Variants in FOXO1 observed in about 807,000 individuals in gnomAD.
The protein encoded by FOXO1 is forkhead box O1.
FOXO1 carries 6 observed loss-of-function variants against 44.1 expected under a neutral mutation model. The ratio of observed to expected loss-of-function variants is 0.14; its 90% CI spans 0.07 to 0.27. The LOEUF (loss-of-function observed/expected upper bound fraction) is 0.27, where lower values mean the gene tolerates loss of function less well. Ranked by LOEUF, FOXO1 falls within the 10% of genes least tolerant of loss-of-function variation. The probability of loss-of-function intolerance (pLI) is 1.00; values close to 1 mark genes in which losing one functional copy is unlikely to be tolerated. For synonymous variants in FOXO1, 380 were observed against 362.7 expected (o/e 1.05, Z -0.54); for missense variants, 737 against 888.8 (o/e 0.83, Z 2.17).
At chr13:40,647,039 G>C (rs1377395997) in intron 1 of FOXO1, among the ~76,000 whole-genome samples, 1 of 152,192 alleles carries the variant, frequency 6.6e-6, no homozygotes, top group African/African-American at 2.4e-5. Context: ...GCAGACACCA[G>C]AGTAGACAAG....
intron 1 of FOXO1, among the ~76,000 whole-genome samples, chr13:40,603,373 AAG>A (rs1401458483): frequency 2.7e-5 from 4 of 150,886 alleles, no homozygotes; most frequent in African/African-American, 9.8e-5. Flanking sequence ...AAAAAAAAAA[AAG>A]GTTGAGTTAA....
chr13:40,664,939 G>A (rs1025940448), intron 1 of FOXO1, among the ~76,000 whole-genome samples: 7 of 151,776 alleles, frequency 4.6e-5, no homozygotes, highest in African/African-American at 1.7e-4. Flanking sequence ...CGTGTCGGAG[G>A]CACCACCTCG....
chr13:40,618,630 G>C (rs1314550002), intron 1 of FOXO1: 2 of 345,342 alleles, frequency 5.8e-6, no homozygotes, highest in Non-Finnish European at 1.1e-5. Flanking sequence ...ATTTGAGTTG[G>C]GAAGAGATGG....
intron 1 of FOXO1, among the ~76,000 whole-genome samples, chr13:40,604,661 A>C (rs564274998): frequency 6.6e-6 from 1 of 152,286 alleles, no homozygotes; most frequent in African/African-American, 2.4e-5. Context: ...TCTTCTTTAA[A>C]CATGCCATGA....
At chr13:40,578,522 A>G (rs181810810) in intron 1 of FOXO1, among the ~76,000 whole-genome samples, 5 of 152,250 alleles carry the variant, frequency 3.3e-5, no homozygotes, top group Admixed American at 1.3e-4. Context: ...GTGTATCAGC[A>G]TCCTCTGGAC....
At chr13:40,655,633 ACTT>A (rs1877832524) in intron 1 of FOXO1, among the ~76,000 whole-genome samples, 1 of 122,488 alleles carries the variant, frequency 8.2e-6, no homozygotes, top group Middle Eastern at 4.2e-3. Flanking sequence ...AGTTTTCTAC[ACTT>A]CTTTTTTTTT....
intron 1 of FOXO1, among the ~76,000 whole-genome samples, chr13:40,599,004 G>A (rs1361417958): frequency 9.2e-5 from 14 of 152,048 alleles, no homozygotes; most frequent in Admixed American, 9.2e-4. Flanking sequence ...ACACTTTTAA[G>A]ATAAAGTTCT....
intron 1 of FOXO1, among the ~76,000 whole-genome samples, chr13:40,627,614 T>C (rs992761754): frequency 5.3e-5 from 8 of 152,082 alleles, no homozygotes; most frequent in Admixed American, 3.9e-4. Context: ...GGGCAGGTCA[T>C]CTGAGGTCGG....
intron 1 of FOXO1, among the ~76,000 whole-genome samples, chr13:40,610,778 A>G (rs767004689): frequency 1.3e-5 from 2 of 152,272 alleles, no homozygotes; most frequent in Non-Finnish European, 2.9e-5. Flanking sequence ...TAGAAGGAAA[A>G]ATAATATAAA....
At chr13:40,614,762 T>C (rs1876361829) in intron 1 of FOXO1, among the ~76,000 whole-genome samples, 1 of 152,176 alleles carries the variant, frequency 6.6e-6, no homozygotes, top group Non-Finnish European at 1.5e-5. Flanking sequence ...CAAGTGCTAA[T>C]CCACAGAACT....
chr13:40,574,093 G>GT (rs1162664413), intron 1 of FOXO1, among the ~76,000 whole-genome samples: 4 of 152,002 alleles, frequency 2.6e-5, no homozygotes, highest in Non-Finnish European at 4.4e-5. Flanking sequence ...AAGTACAAAC[G>GT]TTTTTTTATC....
At chr13:40,664,406 C>T (rs554248123) in intron 1 of FOXO1, among the ~76,000 whole-genome samples, 3 of 151,990 alleles carry the variant, frequency 2.0e-5, no homozygotes, top group Non-Finnish European at 4.4e-5. Flanking sequence ...CTCCCCGGAG[C>T]CGAGGGCCCC....
chr13:40,617,086 AT>A (rs1566076775), intron 1 of FOXO1, among the ~76,000 whole-genome samples: 4 of 152,270 alleles, frequency 2.6e-5, no homozygotes, highest in African/African-American at 7.2e-5. Flanking sequence ...TAATTTCTGC[AT>A]GAATTTCTAA....
intron 1 of FOXO1, among the ~76,000 whole-genome samples, chr13:40,653,755 A>G (rs1191242322): frequency 6.6e-6 from 1 of 152,178 alleles, no homozygotes; most frequent in Non-Finnish European, 1.5e-5. Context: ...TAACTGAGCA[A>G]AAACCCAGCC....
chr13:40,618,814 G>A, intron 1 of FOXO1: 1 of 525,718 alleles, frequency 1.9e-6, no homozygotes, highest in Non-Finnish European at 3.8e-6. Context: ...TTGTGAAAAT[G>A]GGAGAAGATG....
intron 1 of FOXO1, among the ~76,000 whole-genome samples, chr13:40,617,273 T>A (rs1166280127): frequency 6.6e-6 from 1 of 152,018 alleles, no homozygotes; most frequent in African/African-American, 2.4e-5. Flanking sequence ...TGGAGAAGAC[T>A]CGCCTCTACT....
intron 1 of FOXO1, among the ~76,000 whole-genome samples, chr13:40,628,389 A>ACACACACC (rs1555252079): frequency 6.7e-6 from 1 of 148,704 alleles, no homozygotes; most frequent in African/African-American, 2.5e-5. Flanking sequence ...ACACACACAC[A>ACACACACC]CCCCGTGAGG....
rs968022703 is a variant in FOXO1, at chr13:40,557,460, G to C, written c.*1589C>G. ...ACATAATCTCAATGCACAACTTACA[G>C]CTGGTTTTCAAATAAATCTCCCCAA... is the stretch of plus-strand genomic sequence containing the variant. On this transcript the variant is annotated 3_prime_UTR_variant, in exon 3 of 3. Coordinates refer to ENST00000379561, the MANE Select transcript of FOXO1 (RefSeq NM_002015.4). 6.6e-6 allele frequency: 1 copy of C among 152,192 alleles called. No homozygotes were observed. Among genetic ancestry groups the C allele is most frequent in the Non-Finnish European group, 1.5e-5 (1 of 68,024 alleles). The allele number at this position is 152,192 out of a possible 1,614,324, so 9.4% of individuals were successfully genotyped here.
intron 1 of FOXO1, chr13:40,621,391 T>C (rs1228229149): frequency 1.5e-5 from 5 of 330,270 alleles, no homozygotes; most frequent in Admixed American, 3.9e-5. Context: ...TTAGTAGAAC[T>C]GAATGTTCAA....
Sources: gnomAD v4.1 joint callset for allele counts (sites outside exome capture counted in the v4.1 genomes callset) on GRCh38, gnomAD v4.1.1 for gene constraint, MANE v1.5 for transcripts, NCBI Gene and HGNC (gene_info 2026-07-23, HGNC 2026-07-21) for gene names.